Variants in CLCN7 observed in about 807,000 individuals in gnomAD.
CLCN7 encodes the protein H(+)/Cl(-) exchange transporter 7.
In CLCN7, 60 loss-of-function variants were observed where a neutral mutation model predicts 102.1. The observed-to-expected ratio is 0.59, with a 90% CI of 0.48 to 0.73. CLCN7 has a LOEUF of 0.73. Ranked by LOEUF, CLCN7 falls within the 30% of genes least tolerant of loss-of-function variation. The pLI is 0.00. For synonymous variants in CLCN7, 560 were observed against 490.5 expected (o/e 1.14, Z -1.87); for missense variants, 962 against 1,125.7 (o/e 0.85, Z 2.08).
At chr16:1,461,384 A>T in intron 4 of CLCN7, 21 bp downstream of exon 4, 1 of 1,546,622 alleles carries the variant, frequency 6.5e-7, no homozygotes, top group Non-Finnish European at 8.7e-7. Context: ...GGGGCCCTGC[A>T]GGGAGCGGCG....
chr16:1,458,231 A>G (rs1016310423), intron 7 of CLCN7, among the ~76,000 whole-genome samples: 1 of 152,180 alleles, frequency 6.6e-6, no homozygotes, highest in Admixed American at 6.5e-5. Flanking sequence ...TCTCCACCTG[A>G]GAAGGTGTGT....
At chr16:1,467,246 C>G (rs2039017798) in intron 1 of CLCN7, among the ~76,000 whole-genome samples, 1 of 152,194 alleles carries the variant, frequency 6.6e-6, no homozygotes, top group Non-Finnish European at 1.5e-5. Flanking sequence ...TCTCCACGCC[C>G]AGGGGAGAGT....
At chr16:1,461,021 A>G (rs980619625) in intron 4 of CLCN7, 73 bp from the exon 5 acceptor site, 1 of 1,572,640 alleles carries the variant, frequency 6.4e-7, no homozygotes, top group Non-Finnish European at 8.6e-7. Context: ...AGGACCGCCC[A>G]GACCGCCTGC....
chr16:1,457,168 G>T lies in CLCN7; in HGVS notation c.822+86C>A, dbSNP rs868599179. On this transcript the variant is annotated intron_variant, in intron 9 of 24. Transcript: ENST00000382745. The surrounding 1 kb of genome is among the most constrained non-coding windows in gnomAD (Gnocchi z 5.4). ...TGGGGCTGGGGCTCTCGGCCTGGGG[G>T]TGCTGAGGGAAGCCCATCTCCCTGA... 4 of 1,254,026 alleles carry T rather than the reference G, an allele frequency of 3.2e-6. No individual in the cohort carries two copies. The highest frequency in any genetic ancestry group is 1.2e-5 in the South Asian group (1 of 83,404). The allele number at this position is 1,254,026 out of a possible 1,614,324, so 77.7% of individuals were successfully genotyped here. A position where few individuals can be genotyped will look rare whatever the true frequency, so the allele number is the denominator to read the frequency against.
At chr16:1,472,098 C>G (rs1164718181) in intron 1 of CLCN7, 1 of 152,292 alleles carries the variant, frequency 6.6e-6, no homozygotes, top group Non-Finnish European at 1.5e-5. Context: ...AGGAAGGAAG[C>G]AGCTTTATGC....
In CLCN7 at chr16:1,456,135, T is replaced by C. The variant is rs1413547645; in HGVS notation, c.894A>G (p.Ser298=). 6.4e-7 allele frequency: 1 copy of C among 1,561,566 alleles called. No individual in the cohort carries two copies. Among genetic ancestry groups the C allele is most frequent in the Non-Finnish European group, 8.7e-7 (1 of 1,152,674 alleles). Residue 298 remains serine (S), a synonymous_variant, in exon 10 of 25, where the codon TCA becomes TCG. Coordinates refer to ENST00000382745, the MANE Select transcript of CLCN7 (RefSeq NM_001287.6). The part of the protein sequence containing the change: ...FVSAGAAAGV[S]AAFGAPVGGV... ...CACCCACGGGGGCTCCAAACGCCGC[T>C]GACACTCCGGCCGCAGCCCCTGCGG...
chr16:1,460,594 C>T, intron 5 of CLCN7, 67 bp from the exon 6 acceptor site: 12 of 1,373,986 alleles, frequency 8.7e-6, no homozygotes, highest in Non-Finnish European at 1.2e-5. Context: ...CTCAGCCCTG[C>T]CCCACAGACC....
At chr16:1,456,698 A>T (rs2038840253) in intron 9 of CLCN7, among the ~76,000 whole-genome samples, 1 of 152,060 alleles carries the variant, frequency 6.6e-6, no homozygotes, top group Non-Finnish European at 1.5e-5. Context: ...AAACTTAGCC[A>T]GGCGTGGTGG....
chr16:1,473,369 A>AT (rs2039103950), intron 1 of CLCN7, among the ~76,000 whole-genome samples: 1 of 93,782 alleles, frequency 1.1e-5, no homozygotes, highest in African/African-American at 4.8e-5. Flanking sequence ...TCCTTCCTAA[A>AT]CTTTTTTTTT....
intron 14 of CLCN7, 114 bp downstream of exon 14, chr16:1,453,720 A>C: frequency 1.0e-6 from 1 of 1,001,174 alleles, no homozygotes; most frequent in Non-Finnish European, 1.6e-6. Flanking sequence ...CTGCATACAC[A>C]GCCTTTCTTT....
At chr16:1,454,329 C>A in intron 13 of CLCN7, 82 bp downstream of exon 13, 4 of 1,424,472 alleles carry the variant, frequency 2.8e-6, no homozygotes, top group Non-Finnish European at 4.0e-6. Context: ...GGAGCCACAG[C>A]CTCCAGTCCT....
chr16:1,469,873 T>C (rs2039052759), intron 1 of CLCN7, among the ~76,000 whole-genome samples: 1 of 152,104 alleles, frequency 6.6e-6, no homozygotes, highest in Non-Finnish European at 1.5e-5. Flanking sequence ...ATGGAATAAT[T>C]CAGCCATAAA....
intron 1 of CLCN7, among the ~76,000 whole-genome samples, chr16:1,465,701 ACCCTGCTCCCGAGG>A (rs1243014284): frequency 1.3e-5 from 2 of 152,178 alleles, no homozygotes; most frequent in Non-Finnish European, 2.9e-5. Flanking sequence ...ATCCTGCCCA[ACCCTGCTCCCGAGG>A]CCCTGCTCAG....
intron 6 of CLCN7, 61 bp downstream of exon 6, chr16:1,460,357 A>G: frequency 7.9e-7 from 1 of 1,263,850 alleles, no homozygotes; most frequent in East Asian, 2.3e-5. Flanking sequence ...GTTCCCGCCC[A>G]TTCACCAAGA....
rs1349745704 is a variant in CLCN7 at position 1,460,486 on chromosome 16, G to A, written c.526C>T (p.Leu176=). 3 of 1,613,750 alleles carry A rather than the reference G, an allele frequency of 1.9e-6. No individual in the cohort carries two copies. Among genetic ancestry groups the A allele is most frequent in the African/African-American group, 2.7e-5 (2 of 74,940 alleles). Residue 176 remains leucine (L), a synonymous_variant, in exon 6 of 25, where the codon CTG becomes TTG. Coordinates refer to ENST00000382745, the MANE Select transcript of CLCN7 (RefSeq NM_001287.6). ...FTEKGGLSFS[L]LLWATLNAAF... Reference sequence around the variant, plus strand: ...GCGTTCAGCGTGGCCCACAGCAACAGGGAGAAGGACAGTCCGCCCTTCTCT... The same window carrying A: ...GCGTTCAGCGTGGCCCACAGCAACAAGGAGAAGGACAGTCCGCCCTTCTCT...
intron 17 of CLCN7, chr16:1,449,802 C>T (rs1291181116): frequency 5.7e-5 from 12 of 210,278 alleles, no homozygotes; most frequent in Admixed American, 1.7e-4. Context: ...GCCTCGTGAA[C>T]GTGAGAAACG....
rs1326110345 is a variant in CLCN7 at position 1,445,991 on chromosome 16, A to T, written c.*640T>A. The T allele has an allele frequency of 2.1e-6, 1 of 479,584 alleles. No individual in the cohort carries two copies. Among genetic ancestry groups the T allele is most frequent in the Non-Finnish European group, 3.7e-6 (1 of 269,236 alleles). The allele number at this position is 479,584 out of a possible 1,614,324, so 29.7% of individuals were successfully genotyped here. On this transcript the variant is annotated 3_prime_UTR_variant, in exon 25 of 25. Coordinates refer to ENST00000382745, the MANE Select transcript of CLCN7 (RefSeq NM_001287.6). ...CAGCACAGGGCCCGTGAGTCACCCC[A>T]GTCCTCTGGGCCTGTGTACCCAAGC...
At chr16:1,468,217 G>A (rs894097409) in intron 1 of CLCN7, among the ~76,000 whole-genome samples, 3 of 152,228 alleles carry the variant, frequency 2.0e-5, no homozygotes, top group Admixed American at 1.3e-4. Context: ...AGGCAGAGCC[G>A]CACATGCATT....
intron 12 of CLCN7, among the ~76,000 whole-genome samples, 200 bp from the exon 13 acceptor site, chr16:1,454,665 C>A (rs1328959956): frequency 6.6e-6 from 1 of 152,220 alleles, no homozygotes; most frequent in Non-Finnish European, 1.5e-5. Flanking sequence ...GGCGGGGTGG[C>A]CAGCGAGGCT....
Sources: gnomAD v4.1 joint callset for allele counts (sites outside exome capture counted in the v4.1 genomes callset) on GRCh38, gnomAD v4.1.1 for gene constraint, Gnocchi (gnomAD v3.1) non-coding constraint, MANE v1.5 for transcripts, NCBI Gene and HGNC (gene_info 2026-07-23, HGNC 2026-07-21) for gene names.